GJC3: variants seen among roughly 807,000 people sequenced by gnomAD.
GJC3 encodes gap junction gamma-3 protein.
Under a neutral mutation model 19.8 loss-of-function variants are expected in GJC3, and 17 were observed. That is an observed-to-expected ratio of 0.86 (90% CI 0.59 to 1.29). The LOEUF (loss-of-function observed/expected upper bound fraction) is 1.29. Ranked by LOEUF, GJC3 falls within the 50% of genes most tolerant of loss-of-function variation. The pLI is 0.00. For synonymous variants in GJC3, 140 were observed against 136.5 expected (o/e 1.03, Z -0.18); for missense variants, 317 against 332.5 (o/e 0.95, Z 0.36).
upstream of GJC3, chr7:99,929,661 T>C (rs752445144): frequency 1.2e-5 from 18 of 1,560,864 alleles, no homozygotes; most frequent in Middle Eastern, 3.3e-4. Flanking sequence ...TGTTGTTCAC[T>C]GTCCTTCAGA....
Position 99,928,880 on chromosome 7 carries a change from G to C in GJC3, c.741C>G (p.Ser247Arg). Residue 247 changes from serine (S) to arginine (R), a missense_variant, in exon 1 of 2, where the codon AGC becomes AGG. Coordinates refer to ENST00000312891, the MANE Select transcript of GJC3 (RefSeq NM_181538.3). ...GCTCTTTGGTTTCCACCACTGGGAG[G>C]CTATCGGTTGCTTTCTTGTGTCTTC... ...STRRHKKATD[S>R]LPVVETKEQF... is the part of the protein sequence containing the mutation. 6.2e-7 allele frequency: 1 copy of C among 1,614,120 alleles called. No individual in the cohort carries two copies. Among genetic ancestry groups the C allele is most frequent in the Non-Finnish European group, 8.5e-7 (1 of 1,179,998 alleles).
chr7:99,926,939 G>A (rs1342194942), intron 1 of GJC3, among the ~76,000 whole-genome samples: 6 of 152,182 alleles, frequency 3.9e-5, no homozygotes, highest in Middle Eastern at 3.2e-3. Flanking sequence ...CAAAGTACAC[G>A]CCACAGTGTG....
At chr7:99,929,664 C>G (rs1447349229), upstream of GJC3, 2 of 1,551,968 alleles carry the variant, frequency 1.3e-6, no homozygotes, top group Admixed American at 3.7e-5. Flanking sequence ...TGTTCACTGT[C>G]CTTCAGAGGG....
At chr7:99,924,534 T>A (rs1399680563) in intron 1 of GJC3, among the ~76,000 whole-genome samples, 2 of 152,182 alleles carry the variant, frequency 1.3e-5, no homozygotes, top group Non-Finnish European at 2.9e-5. Flanking sequence ...ATTGCAGTGA[T>A]CCTGCCATTG....
intron 1 of GJC3, among the ~76,000 whole-genome samples, chr7:99,926,582 G>T (rs1465081463): frequency 6.6e-6 from 1 of 152,178 alleles, no homozygotes; most frequent in African/African-American, 2.4e-5. Context: ...AGACATGAAA[G>T]ACCACATATT....
In GJC3 at chr7:99,929,176, C is replaced by T. The variant is rs567299111; in HGVS notation, c.445G>A (p.Gly149Arg). 3 of 1,613,864 alleles carry T rather than the reference C, an allele frequency of 1.9e-6. No individual in the cohort carries two copies. In the South Asian group the frequency reaches 3.3e-5, roughly 18 times the overall value. Residue 149 changes from glycine (G) to arginine (R), a missense_variant, in exon 1 of 2, where the codon GGG becomes AGG. Gly to Arg is a moderately radical substitution (Grantham distance 125, BLOSUM62 -2). Coordinates refer to ENST00000312891, the MANE Select transcript of GJC3 (RefSeq NM_181538.3). ...AQLGARLVLEGAALGLQYHLY... is the reference protein window; with the variant it reads ...AQLGARLVLERAALGLQYHLY... ...TGGTACTGCAACCCCAGGGCTGCCC[C>T]CTCCAGGACAAGCCGAGCCCCCAGC...
intron 1 of GJC3, 55 bp from the exon 2 acceptor site, chr7:99,923,658 A>G: frequency 2.6e-6 from 2 of 770,908 alleles, no homozygotes; most frequent in African/African-American, 1.7e-5. Context: ...ACTTTTTCAC[A>G]GTGCGTACCC....
intron 1 of GJC3, 123 bp downstream of exon 1, chr7:99,928,717 A>G (rs1349844505): frequency 1.1e-5 from 10 of 888,328 alleles, no homozygotes; most frequent in South Asian, 1.1e-4. Flanking sequence ...ATCTGCCTAG[A>G]ACCTGGTTAC....
Position 99,923,377 on chromosome 7 carries a change from C to G in GJC3, c.*168G>C. The G allele has an allele frequency of 1.5e-6, 1 of 688,146 alleles. No homozygotes were observed. The highest frequency in any genetic ancestry group is 1.6e-5 in the South Asian group (1 of 63,644). The allele number at this position is 688,146 out of a possible 1,614,324, so 42.6% of individuals were successfully genotyped here. On this transcript the variant is annotated 3_prime_UTR_variant, in exon 2 of 2. Coordinates refer to ENST00000312891, the MANE Select transcript of GJC3 (RefSeq NM_181538.3). ...TGGTGCAAACATGGCTTTTATTAGT[C>G]TGGTTAGCTGAGTCATTGTATGTAG... is the stretch of plus-strand genomic sequence containing the variant.
At position 99,923,929 on chromosome 7, in the gene GJC3, T is replaced by G. The variant is rs533300961; in HGVS notation, c.782-326A>C. 1.6e-4 allele frequency among the ~76,000 whole-genome samples: 25 copies of G among 152,204 alleles called. 1 individual carries two copies. Among genetic ancestry groups the G allele is most frequent in the African/African-American group, 6.0e-4 (25 of 41,534 alleles). ...GATACAATCGATATTAATTGGCAGG[T>G]GAAGAACCAGGAAAATCTCAACTCA... On this transcript the variant is annotated intron_variant, in intron 1 of 1. Transcript: ENST00000312891.
At position 99,923,593 on chromosome 7, in the gene GJC3, T is replaced by G. The variant is rs764766606; in HGVS notation, c.792A>C (p.Arg264Ser). 1.3e-6 allele frequency: 1 copy of G among 781,118 alleles called. No individual in the cohort carries two copies. The highest frequency in any genetic ancestry group is 1.7e-5 in the African/African-American group (1 of 59,272). The allele number at this position is 781,118 out of a possible 1,614,324, so 48.4% of individuals were successfully genotyped here. ...KEQFQEAVPG[R>S]SLAQEKQRPV... is the part of the protein sequence containing the mutation. ...GTCTTTGTTTTTCCTGGGCTAAGCT[T>G]CTTCCTGGAACTTTTTAAAACAAAA... Residue 264 changes from arginine (R) to serine (S), a missense_variant, in exon 2 of 2, where the codon AGA (arginine) becomes AGC (serine). Physicochemically the swap from Arg to Ser is moderately radical, Grantham distance 110 (BLOSUM62 -1). Coordinates refer to ENST00000312891, the MANE Select transcript of GJC3 (RefSeq NM_181538.3).
chr7:99,929,578 G>A lies in GJC3; in HGVS notation c.43C>T (p.Arg15Trp), dbSNP rs373348577. The stretch of plus-strand genomic sequence containing the variant: ...AGGCGCCCCACGGGGGTGGAGCGCC[G>A]GCTCTCCTCCGCCAGCAGCCGCCGC... ...FLRRLLAEES[R>W]RSTPVGRLLL... is the part of the protein sequence containing the mutation. The change falls in exon 1 of 2, where the codon CGG becomes TGG. Residue 15 changes from arginine (R) to tryptophan (W), a missense_variant. Transcript: ENST00000312891. 241 of 1,610,794 alleles carry A rather than the reference G, an allele frequency of 1.5e-4. No homozygotes were observed. Among genetic ancestry groups the A allele is most frequent in the Non-Finnish European group, 1.9e-4 (226 of 1,179,596 alleles).
At position 99,928,949 on chromosome 7, in the gene GJC3, G is replaced by A. The variant is rs773042122; in HGVS notation, c.672C>T (p.His224=). The change falls in exon 1 of 2, where the codon CAC becomes CAT. Residue 224 remains histidine, a synonymous_variant. Coordinates refer to ENST00000312891, the MANE Select transcript of GJC3 (RefSeq NM_181538.3). The part of the protein sequence containing the change: ...GLGRWWRTWK[H]KSSSSKYFLT... The stretch of plus-strand genomic sequence containing the variant: ...GGAAGTATTTAGAAGAGGAAGATTT[G>A]TGCTTCCAGGTCCTCCACCATCTCC... The A allele has an allele frequency of 1.9e-6, 3 of 1,614,122 alleles. No individual in the cohort carries two copies. Among genetic ancestry groups the A allele is most frequent in the Non-Finnish European group, 1.7e-6 (2 of 1,180,004 alleles).
chr7:99,924,477 A>T (rs535850802), intron 1 of GJC3, among the ~76,000 whole-genome samples: 3 of 152,312 alleles, frequency 2.0e-5, no homozygotes, highest in Admixed American at 2.0e-4. Context: ...AATCCCAGCT[A>T]TTCAGGAGGC....
chr7:99,923,313 A>T lies in GJC3; in HGVS notation c.*232T>A. The T allele has an allele frequency of 1.7e-6, 1 of 578,232 alleles. No individual in the cohort carries two copies. The highest frequency in any genetic ancestry group is 2.0e-5 in the South Asian group (1 of 50,226). 35.8% of individuals were successfully genotyped at this position (578,232 alleles called of 1,614,324 possible). On this transcript the variant is annotated 3_prime_UTR_variant, in exon 2 of 2. Coordinates refer to ENST00000312891, the MANE Select transcript of GJC3 (RefSeq NM_181538.3). ...ATTACTTGCGATAAGTAAGGAGGACACTGGGAATAATTCCCCAAAGCAATG... is the reference window on the plus strand; with the variant it reads ...ATTACTTGCGATAAGTAAGGAGGACTCTGGGAATAATTCCCCAAAGCAATG...
chr7:99,928,645 T>C (rs533742381), intron 1 of GJC3, among the ~76,000 whole-genome samples, 195 bp downstream of exon 1: 1 of 152,264 alleles, frequency 6.6e-6, no homozygotes, highest in South Asian at 2.1e-4. Flanking sequence ...GGATGGACAT[T>C]GGGATAGATT....
chr7:99,927,311 T>A (rs962297010), intron 1 of GJC3, among the ~76,000 whole-genome samples: 3 of 152,236 alleles, frequency 2.0e-5, no homozygotes, highest in African/African-American at 7.2e-5. Context: ...TCACTTTAAG[T>A]GGATAAATTA....
At position 99,929,027 on chromosome 7, in the gene GJC3, G is replaced by A; in HGVS notation, c.594C>T (p.Val198=). 2.5e-6 allele frequency: 4 copies of A among 1,614,174 alleles called. No homozygotes were observed. Among genetic ancestry groups the A allele is most frequent in the Non-Finnish European group, 3.4e-6 (4 of 1,180,026 alleles). ...AAGTAAACAAGAGACAGAAACCGCT[G>A]ACTCCAAACATGGTCTTTAGGAAAA... ...KTIFLKTMFG[V]SGFCLLFTFL... The change falls in exon 1 of 2, where the codon GTC becomes GTT. Residue 198 remains valine, a synonymous_variant. Transcript: ENST00000312891.
chr7:99,930,441 C>A (rs1433957967), upstream of GJC3, among the ~76,000 whole-genome samples: 1 of 152,164 alleles, frequency 6.6e-6, no homozygotes, highest in Non-Finnish European at 1.5e-5. Context: ...TATTATCTCC[C>A]TCATGGTGAC....
Sources: allele counts gnomAD v4.1 joint callset (sites outside exome capture counted in the v4.1 genomes callset), GRCh38; gene constraint gnomAD v4.1.1; transcripts MANE v1.5; gene names NCBI Gene and HGNC (gene_info 2026-07-23, HGNC 2026-07-21).